The following GAB2 variants were observed in gnomAD, a reference collection of about 807,000 sequenced individuals.
GAB2 encodes GRB2-associated-binding protein 2.
Under a neutral mutation model 65.5 loss-of-function variants are expected in GAB2, and 26 were observed. The observed-to-expected ratio is 0.40, with a 90% confidence interval of 0.29 to 0.55. The LOEUF is 0.55. Among genes scored for constraint, GAB2 ranks in the 20% least tolerant of loss-of-function variants. The pLI is 0.53. For synonymous variants in GAB2, 321 were observed against 329.6 expected (o/e 0.97, Z 0.28); for missense variants, 884 against 875.8 (o/e 1.01, Z -0.12).
intron 1 of GAB2, among the ~76,000 whole-genome samples, chr11:78,401,141 A>G (rs557668009): frequency 1.3e-5 from 2 of 152,164 alleles, no homozygotes; most frequent in South Asian, 4.1e-4. Context: ...CATAAAATGT[A>G]CAGAATACAA....
chr11:78,415,616 GT>G (rs1857185561), intron 1 of GAB2, among the ~76,000 whole-genome samples: 2 of 152,168 alleles, frequency 1.3e-5, no homozygotes, highest in South Asian at 2.1e-4. Flanking sequence ...AAGAAAAGCT[GT>G]TACTTAAAGC....
intron 1 of GAB2, among the ~76,000 whole-genome samples, chr11:78,377,913 C>T (rs999802140): frequency 2.5e-4 from 38 of 152,262 alleles, no homozygotes; most frequent in East Asian, 9.6e-4. Flanking sequence ...TTTTACTATC[C>T]AGCACTGCTT....
At chr11:78,353,806 C>T (rs1259565114) in intron 1 of GAB2, among the ~76,000 whole-genome samples, 1 of 152,202 alleles carries the variant, frequency 6.6e-6, no homozygotes, top group Non-Finnish European at 1.5e-5. Flanking sequence ...CTAATGACTA[C>T]TGTATTGGAC....
Position 78,250,355 on chromosome 11 carries a change from G to T in GAB2, c.422C>A (p.Ser141Tyr), listed in dbSNP as rs1037114888. 3 of 1,613,308 alleles carry T rather than the reference G, an allele frequency of 1.9e-6. No homozygotes were observed. In the African/African-American group the frequency reaches 4.0e-5, roughly 22 times the overall value. The change falls in exon 3 of 10, where the codon TCT becomes TAT. Residue 141 changes from serine to tyrosine, a missense_variant. Transcript: ENST00000361507. ...GCTAGAGCTGCTGAGCTCAGCTGGA[G>T]AAGAGCGGGGGCCATGACCGGCTGA... is the stretch of plus-strand genomic sequence containing the variant. ...VSSAGHGPRS[S>Y]PAELSSSSQH... is the part of the protein sequence containing the mutation.
intron 5 of GAB2, 25 bp from the exon 6 acceptor site, chr11:78,223,701 A>G (rs1184062702): frequency 1.3e-6 from 2 of 1,553,974 alleles, no homozygotes; most frequent in Non-Finnish European, 1.7e-6. Context: ...AGTGAAAGAA[A>G]TACAGCTGTT....
At chr11:78,304,678 T>G (rs535410185) in intron 1 of GAB2, among the ~76,000 whole-genome samples, 176 of 152,340 alleles carry the variant, frequency 1.2e-3, no homozygotes, top group African/African-American at 4.0e-3. Flanking sequence ...CCTGGGCCAG[T>G]TACCCCTTGC....
At chr11:78,409,016 C>T (rs1213283590) in intron 1 of GAB2, among the ~76,000 whole-genome samples, 1 of 152,046 alleles carries the variant, frequency 6.6e-6, no homozygotes, top group Non-Finnish European at 1.5e-5. Flanking sequence ...AATATGCCAC[C>T]TATAAGATAT....
At chr11:78,374,428 G>A (rs10899487) in intron 1 of GAB2, among the ~76,000 whole-genome samples, 24,037 of 152,116 alleles carry the variant, frequency 0.16, 2,554 homozygotes, top group East Asian at 0.41. Flanking sequence ...CTACAACAAA[G>A]GAAAGACTTG....
At chr11:78,348,745 T>G (rs1856229103) in intron 1 of GAB2, among the ~76,000 whole-genome samples, 1 of 152,184 alleles carries the variant, frequency 6.6e-6, no homozygotes, top group African/African-American at 2.4e-5. Flanking sequence ...AATGAAAATG[T>G]ATGCTCCACA....
chr11:78,264,596 G>A (rs1009436772), intron 2 of GAB2, among the ~76,000 whole-genome samples: 8 of 151,368 alleles, frequency 5.3e-5, no homozygotes, highest in African/African-American at 1.7e-4. Context: ...TAGTAGTGTC[G>A]GGGTTTCGCC....
chr11:78,367,268 T>C (rs1169024082), intron 1 of GAB2, among the ~76,000 whole-genome samples: 1 of 152,154 alleles, frequency 6.6e-6, no homozygotes, highest in Non-Finnish European at 1.5e-5. Flanking sequence ...AAAAAAGCAA[T>C]GAACAAAACA....
intron 2 of GAB2, among the ~76,000 whole-genome samples, chr11:78,263,147 T>G (rs2511159): frequency 0.29 from 43,388 of 152,130 alleles, 7,799 homozygotes; most frequent in African/African-American, 0.5. Context: ...TCACCAAGGA[T>G]ACAGATTTAA....
In GAB2 at chr11:78,342,404, CT is replaced by C. The variant is rs143105179; in HGVS notation, c.76-61504del. 8.4e-3 allele frequency among the ~76,000 whole-genome samples: 927 copies of C among 109,868 alleles called. 3 individuals carry two copies. Among genetic ancestry groups the C allele is most frequent in the African/African-American group, 0.025 (698 of 27,390 alleles). The allele number at this position is 109,868 out of a possible 152,430, so 72.1% of individuals were successfully genotyped here. A position where few individuals can be genotyped will look rare whatever the true frequency, so the allele number is the denominator to read the frequency against. ...CTCTAAACCCCTTCAACACTTTGCA[CT>C]TTTTTTTTTTTTTTTTTTTTTTGAG... On this transcript the variant is annotated intron_variant, in intron 1 of 9. Coordinates refer to ENST00000361507, the MANE Select transcript of GAB2 (RefSeq NM_080491.3).
chr11:78,281,676 T>G (rs1866340229), intron 1 of GAB2, among the ~76,000 whole-genome samples: 1 of 152,244 alleles, frequency 6.6e-6, no homozygotes, highest in African/African-American at 2.4e-5. Context: ...TACTTTGGAA[T>G]GCATGTTTGT....
chr11:78,332,729 G>A (rs1421422648), intron 1 of GAB2, among the ~76,000 whole-genome samples: 1 of 152,152 alleles, frequency 6.6e-6, no homozygotes, highest in Admixed American at 6.5e-5. Flanking sequence ...GAACAGTAGG[G>A]AAACTAAAAA....
intron 1 of GAB2, among the ~76,000 whole-genome samples, chr11:78,353,818 G>A (rs951746294): frequency 7.9e-5 from 12 of 152,218 alleles, no homozygotes; most frequent in Non-Finnish European, 1.8e-4. Context: ...GTATTGGACA[G>A]TGCAGCTCTA....
chr11:78,245,330 AATC>A (rs1865267619), intron 3 of GAB2, among the ~76,000 whole-genome samples: 1 of 152,248 alleles, frequency 6.6e-6, no homozygotes, highest in East Asian at 1.9e-4. Context: ...GAAAAGAAAA[AATC>A]ATTCAGAGGA....
intron 1 of GAB2, among the ~76,000 whole-genome samples, chr11:78,356,536 T>G (rs1201006133): frequency 2.0e-5 from 3 of 152,252 alleles, no homozygotes. Flanking sequence ...AATTATGTTC[T>G]TTCTGGTTGT....
intron 2 of GAB2, among the ~76,000 whole-genome samples, chr11:78,251,265 G>C (rs1250968915): frequency 2.0e-5 from 3 of 152,064 alleles, no homozygotes; most frequent in African/African-American, 7.2e-5. Flanking sequence ...AATGCATTTG[G>C]AGCTGTCCCT....
Sources: allele counts gnomAD v4.1 joint callset (sites outside exome capture counted in the v4.1 genomes callset), GRCh38; gene constraint gnomAD v4.1.1; transcripts MANE v1.5; gene names NCBI Gene and HGNC (gene_info 2026-07-23, HGNC 2026-07-21).